The following AGK variants were observed in gnomAD, a reference collection of about 807,000 sequenced individuals.
AGK encodes the protein acylglycerol kinase, also known as acylglycerol kinase, mitochondrial.
A neutral mutation model predicts 66.4 loss-of-function variants in AGK; 52 were observed. The observed-to-expected ratio is 0.78, with a 90% CI of 0.63 to 0.99. The LOEUF is 0.99. Ranked by LOEUF, AGK falls within the 50% of genes least tolerant of loss-of-function variation. The probability of loss-of-function intolerance (pLI) is 0.00; values close to 1 mark genes in which losing one functional copy is unlikely to be tolerated. For synonymous variants in AGK, 182 were observed against 181.1 expected, an observed-to-expected ratio of 1.00 and a Z score of -0.04; for missense variants, 451 against 506.6, an observed-to-expected ratio of 0.89 and a Z score of 1.05.
chr7:141,621,622 A>G (rs1353895751), intron 8 of AGK, 110 bp from the exon 9 acceptor site: 4 of 721,490 alleles, frequency 5.5e-6, no homozygotes, highest in Non-Finnish European at 7.3e-6. Context: ...GAGAGAGAGA[A>G]TGAGAGAGAA....
intron 4 of AGK, among the ~76,000 whole-genome samples, chr7:141,597,890 C>CAAAAAAA (rs56295907): frequency 4.2e-3 from 298 of 71,314 alleles, no homozygotes; most frequent in East Asian, 6.6e-3. Flanking sequence ...GACTCTGTCT[C>CAAAAAAA]AAAAAAAAAA....
intron 2 of AGK, among the ~76,000 whole-genome samples, chr7:141,590,630 G>A (rs1163600852): frequency 6.6e-6 from 1 of 152,094 alleles, no homozygotes; most frequent in Admixed American, 6.5e-5. Context: ...CCTCTTTATT[G>A]TATATAAGGT....
At chr7:141,614,245 T>C in intron 7 of AGK, 67 bp downstream of exon 7, 1 of 1,213,878 alleles carries the variant, frequency 8.2e-7, no homozygotes, top group Non-Finnish European at 1.2e-6. Context: ...CTTTTCTTTC[T>C]TTTACTTTTT....
chr7:141,582,263 G>A (rs923708750), intron 2 of AGK, among the ~76,000 whole-genome samples: 3 of 152,002 alleles, frequency 2.0e-5, no homozygotes, highest in Admixed American at 1.3e-4. Context: ...GTTCCTGGGG[G>A]AGGTGGTCCT....
intron 2 of AGK, among the ~76,000 whole-genome samples, chr7:141,579,244 G>A (rs1795825515): frequency 6.6e-6 from 1 of 152,066 alleles, no homozygotes; most frequent in Admixed American, 6.5e-5. Context: ...TGGTGGCTGA[G>A]CTTGGTGAGG....
intron 6 of AGK, among the ~76,000 whole-genome samples, chr7:141,613,473 G>T (rs1796640539): frequency 6.6e-6 from 1 of 152,086 alleles, no homozygotes; most frequent in Non-Finnish European, 1.5e-5. Context: ...ACAAAAATTA[G>T]CAGGGCATGG....
chr7:141,596,457 A>T, intron 3 of AGK, 105 bp from the exon 4 acceptor site: 1 of 950,414 alleles, frequency 1.1e-6, no homozygotes. Flanking sequence ...CCAAGGGTAG[A>T]TACCTTATGT....
At chr7:141,630,864 A>G (rs961749532) in intron 9 of AGK, among the ~76,000 whole-genome samples, 2 of 152,232 alleles carry the variant, frequency 1.3e-5, no homozygotes, top group Non-Finnish European at 2.9e-5. Context: ...AACAACGGAA[A>G]GACTAGACGT....
intron 2 of AGK, among the ~76,000 whole-genome samples, chr7:141,560,772 G>C (rs1477655730): frequency 6.6e-6 from 1 of 151,266 alleles, no homozygotes; most frequent in Non-Finnish European, 1.5e-5. Flanking sequence ...ACTCCATCCA[G>C]GTTGCTGCAA....
intron 2 of AGK, among the ~76,000 whole-genome samples, chr7:141,583,715 G>A (rs1246955151): frequency 6.6e-6 from 1 of 151,864 alleles, no homozygotes; most frequent in East Asian, 1.9e-4. Context: ...TCCTGCGTCC[G>A]TGACTGGTGC....
intron 5 of AGK, among the ~76,000 whole-genome samples, chr7:141,601,548 G>C (rs759906761): frequency 3.9e-5 from 6 of 152,178 alleles, no homozygotes; most frequent in Non-Finnish European, 7.4e-5. Context: ...GAAGATGAAA[G>C]TTGTTATAGC....
chr7:141,627,802 GATTT>G (rs1796970119), intron 9 of AGK, among the ~76,000 whole-genome samples: 1 of 152,166 alleles, frequency 6.6e-6, no homozygotes, highest in Admixed American at 6.5e-5. Context: ...CTCAATAACT[GATTT>G]ATTCTTTCTT....
intron 2 of AGK, among the ~76,000 whole-genome samples, chr7:141,578,082 G>C (rs558024368): frequency 6.6e-6 from 1 of 152,024 alleles, no homozygotes; most frequent in Non-Finnish European, 1.5e-5. Context: ...TCAGTATCAC[G>C]CGCGTCCATG....
chr7:141,560,661 ATGCCTTTG>A (rs769524783), intron 2 of AGK, among the ~76,000 whole-genome samples: 3 of 151,796 alleles, frequency 2.0e-5, no homozygotes, highest in Non-Finnish European at 2.9e-5. Context: ...TATCATTCTC[ATGCCTTTG>A]TGCCCTCATA....
intron 5 of AGK, among the ~76,000 whole-genome samples, chr7:141,604,374 G>GTGTA (rs1554400830): frequency 1.4e-3 from 160 of 113,800 alleles, no homozygotes; most frequent in African/African-American, 4.5e-3. Context: ...GTGTGTGTGT[G>GTGTA]TATATATATA....
chr7:141,651,516 T>C lies in AGK; in HGVS notation c.1047-9T>C. The C allele has an allele frequency of 6.2e-7, 1 of 1,614,166 alleles. No homozygotes were observed. Among genetic ancestry groups the C allele is most frequent in the Non-Finnish European group, 8.5e-7 (1 of 1,179,970 alleles). ...CTGGTCTTAAGCTTGCTTTTTCCTG[T>C]GCTCACAGAAGTCGAAAGGTGAGAA... On this transcript the variant is annotated splice_polypyrimidine_tract_variant and intron_variant, in intron 14 of 15. Transcript: ENST00000649286.
At chr7:141,592,013 A>G (rs1304309258) in intron 2 of AGK, among the ~76,000 whole-genome samples, 1 of 152,256 alleles carries the variant, frequency 6.6e-6, no homozygotes, top group Non-Finnish European at 1.5e-5. Flanking sequence ...ACAGTGATAT[A>G]AAAAACAAGT....
At chr7:141,618,989 T>G (rs1284664366) in intron 8 of AGK, among the ~76,000 whole-genome samples, 1 of 152,108 alleles carries the variant, frequency 6.6e-6, no homozygotes, top group East Asian at 1.9e-4. Flanking sequence ...TGGATAAATC[T>G]AACAAAATAT....
chr7:141,644,381 CA>C (rs1171061994), intron 13 of AGK, among the ~76,000 whole-genome samples: 1 of 152,120 alleles, frequency 6.6e-6, no homozygotes, highest in Non-Finnish European at 1.5e-5. Flanking sequence ...CTAGTAGCAG[CA>C]AATTCATTTG....
Sources: allele counts gnomAD v4.1 joint callset (sites outside exome capture counted in the v4.1 genomes callset), GRCh38; gene constraint gnomAD v4.1.1; transcripts MANE v1.5; gene names NCBI Gene and HGNC (gene_info 2026-07-23, HGNC 2026-07-21).